Variants in ADAM20 observed in about 807,000 individuals in gnomAD.
ADAM20 encodes ADAM metallopeptidase domain 20, also known as disintegrin and metalloproteinase domain-containing protein 20.
For missense variants in ADAM20, 871 were observed against 883.2 expected (o/e 0.99, Z 0.18); for synonymous variants, 305 against 310.2 (o/e 0.98, Z 0.18).
At chr14:70,544,270 C>T in the ADAM20 span, among the ~76,000 whole-genome samples, 1 of 152,316 alleles carries the variant, frequency 6.6e-6, no homozygotes, top group Non-Finnish European at 1.5e-5. Flanking sequence ...GTTTATTCTC[C>T]AAAATAAACC....
the ADAM20 span, among the ~76,000 whole-genome samples, chr14:70,569,551 T>C: frequency 2.0e-5 from 3 of 151,826 alleles, no homozygotes; most frequent in East Asian, 5.8e-4. Flanking sequence ...ATTCCCACAC[T>C]AAAAGTAAAG....
the ADAM20 span, among the ~76,000 whole-genome samples, chr14:70,558,487 ATG>A: frequency 1.0e-4 from 15 of 149,978 alleles, no homozygotes; most frequent in Middle Eastern, 3.4e-3. Context: ...ACATGTATGA[ATG>A]TGTGTGTGTG....
the ADAM20 span, among the ~76,000 whole-genome samples, chr14:70,558,464 G>C: frequency 6.6e-6 from 1 of 152,098 alleles, no homozygotes; most frequent in Non-Finnish European, 1.5e-5. Context: ...GTATCTGTGT[G>C]CCTGTGTGTT....
the ADAM20 span, among the ~76,000 whole-genome samples, chr14:70,554,893 T>C: frequency 6.6e-6 from 1 of 152,296 alleles, no homozygotes; most frequent in Non-Finnish European, 1.5e-5. Flanking sequence ...AAAATGAAAG[T>C]ACACTTCACA....
chr14:70,525,659 G>A (rs1356609475), intron 1 of ADAM20, among the ~76,000 whole-genome samples: 1 of 152,060 alleles, frequency 6.6e-6, no homozygotes, highest in East Asian at 1.9e-4. Flanking sequence ...TATTCATGTA[G>A]TTTGCTCCAT....
the ADAM20 span, among the ~76,000 whole-genome samples, chr14:70,562,721 GA>G: frequency 2.0e-5 from 3 of 152,128 alleles, no homozygotes; most frequent in Admixed American, 6.5e-5. Context: ...ACCAAGTGAA[GA>G]AAGTGCTTGC....
At chr14:70,529,476 T>A (rs1186854547) in intron 1 of ADAM20, among the ~76,000 whole-genome samples, 1 of 152,166 alleles carries the variant, frequency 6.6e-6, no homozygotes, top group Non-Finnish European at 1.5e-5. Flanking sequence ...GCAAACATCA[T>A]AGAGTGTACT....
the ADAM20 span, among the ~76,000 whole-genome samples, chr14:70,571,809 A>G: frequency 6.6e-6 from 1 of 152,350 alleles, no homozygotes; most frequent in South Asian, 2.1e-4. Context: ...AAATCAATGT[A>G]CAAAAATCAG....
the ADAM20 span, among the ~76,000 whole-genome samples, chr14:70,540,197 G>A: frequency 6.6e-6 from 1 of 152,018 alleles, no homozygotes; most frequent in East Asian, 1.9e-4. Context: ...TGTTCTTAAA[G>A]GGCCTCACCC....
the ADAM20 span, among the ~76,000 whole-genome samples, chr14:70,540,956 C>T: frequency 2.6e-5 from 4 of 151,816 alleles, no homozygotes; most frequent in Non-Finnish European, 5.9e-5. Context: ...CCACGCCCAG[C>T]TAATTCTTGT....
upstream of ADAM20, among the ~76,000 whole-genome samples, chr14:70,538,268 G>A (rs536951110): frequency 2.4e-4 from 36 of 152,090 alleles, no homozygotes; most frequent in Non-Finnish European, 4.1e-4. Flanking sequence ...GGCACTGCTC[G>A]CATTCATATG....
At chr14:70,536,024 C>T (rs972286612), upstream of ADAM20, among the ~76,000 whole-genome samples, 3 of 152,138 alleles carry the variant, frequency 2.0e-5, no homozygotes, top group African/African-American at 7.2e-5. Context: ...AAATAGAAAA[C>T]TTAAGAAATG....
intron 1 of ADAM20, among the ~76,000 whole-genome samples, chr14:70,532,655 G>A (rs1883738117): frequency 6.6e-6 from 1 of 152,140 alleles, no homozygotes; most frequent in South Asian, 2.1e-4. Context: ...CAAGGATGGA[G>A]GAGTGAGATA....
the ADAM20 span, among the ~76,000 whole-genome samples, chr14:70,566,708 G>A: frequency 0.051 from 7,762 of 152,196 alleles, 259 homozygotes; most frequent in Middle Eastern, 0.099. Flanking sequence ...GGCCGGGCGC[G>A]GTGGCTCACA....
chr14:70,530,775 C>T (rs1398864853), intron 1 of ADAM20, among the ~76,000 whole-genome samples: 1 of 151,428 alleles, frequency 6.6e-6, no homozygotes, highest in Non-Finnish European at 1.5e-5. Flanking sequence ...GGGAAATTAG[C>T]AAATATCTTG....
the ADAM20 span, chr14:70,547,585 G>T: frequency 1.4e-5 from 1 of 70,462 alleles, no homozygotes; most frequent in Non-Finnish European, 2.9e-5. Flanking sequence ...CGAATATTGC[G>T]CTTTTCAGAC....
At chr14:70,572,694 T>C in the ADAM20 span, among the ~76,000 whole-genome samples, 13 of 152,002 alleles carry the variant, frequency 8.6e-5, no homozygotes, top group Non-Finnish European at 1.5e-4. Context: ...ATTTGCAAAC[T>C]ACACATCTAA....
In ADAM20 at chr14:70,534,097, A is replaced by AC. The variant is rs1883776513; in HGVS notation, c.-177+699_-177+700insG. ...GACCCTGTCTCAAAAAAAAAAAAAA[A>AC]AAAAAAAAAAACACACACACACACA... is the stretch of plus-strand genomic sequence containing the variant. On this transcript the variant is annotated intron_variant, in intron 1 of 1. Transcript: ENST00000256389. Among the ~76,000 whole-genome samples, 3 of 149,346 alleles carry AC rather than the reference A, an allele frequency of 2.0e-5. 1 individual carries two copies. In the South Asian group the frequency reaches 6.3e-4, roughly 31 times the overall value.
the ADAM20 span, among the ~76,000 whole-genome samples, chr14:70,544,930 G>A: frequency 6.6e-6 from 1 of 151,964 alleles, no homozygotes; most frequent in African/African-American, 2.4e-5. Context: ...TAAAATTTAT[G>A]AATATCTAGC....
Sources: allele counts gnomAD v4.1 joint callset (sites outside exome capture counted in the v4.1 genomes callset), GRCh38; gene constraint gnomAD v4.1.1; transcripts MANE v1.5; gene names NCBI Gene and HGNC (gene_info 2026-07-23, HGNC 2026-07-21).